GABRB2: variants seen among roughly 807,000 people sequenced by gnomAD.
The protein encoded by GABRB2 is gamma-aminobutyric acid type A receptor subunit beta2.
A neutral mutation model predicts 54.7 loss-of-function variants in GABRB2; 16 were observed. The observed-to-expected ratio is 0.29, with a 90% confidence interval of 0.20 to 0.44. GABRB2 has a LOEUF of 0.44. Among genes scored for constraint, GABRB2 ranks in the 20% least tolerant of loss-of-function variants. The pLI, the probability that GABRB2 is intolerant of heterozygous loss-of-function variation, is 1.00. For missense variants in GABRB2, 355 were observed against 644.0 expected, an observed-to-expected ratio of 0.55 and a Z score of 4.86; for synonymous variants, 244 against 233.8, an observed-to-expected ratio of 1.04 and a Z score of -0.40.
chr5:161,346,302 G>A (rs1453921394), intron 5 of GABRB2, among the ~76,000 whole-genome samples: 1 of 152,058 alleles, frequency 6.6e-6, no homozygotes, highest in Non-Finnish European at 1.5e-5. Context: ...ATTTTCTCCA[G>A]AAGGAGCTAA....
rs148988089 is a variant in GABRB2, at chr5:161,405,626, G to C, written c.541+5349C>G. Among the ~76,000 whole-genome samples, 209 of 152,096 alleles carry C rather than the reference G, an allele frequency of 1.4e-3. 1 individual carries two copies. Among genetic ancestry groups the C allele is most frequent in the Admixed American group, 4.7e-3 (72 of 15,248 alleles). On this transcript the variant is annotated intron_variant, in intron 5 of 9. Coordinates refer to ENST00000393959, the MANE Select transcript of GABRB2 (RefSeq NM_001371727.1). ...CTACTTCCTCTGTTACAGATGTTTTGAGACTACTGTTATACTCTAAGGTGC... is the reference window on the plus strand; with the variant it reads ...CTACTTCCTCTGTTACAGATGTTTTCAGACTACTGTTATACTCTAAGGTGC...
At chr5:161,349,217 C>T (rs1313261410) in intron 5 of GABRB2, among the ~76,000 whole-genome samples, 2 of 151,864 alleles carry the variant, frequency 1.3e-5, no homozygotes, top group Non-Finnish European at 2.9e-5. Flanking sequence ...CAATTATATT[C>T]CTGGCTTCAG....
intron 3 of GABRB2, among the ~76,000 whole-genome samples, chr5:161,476,029 T>C (rs968086301): frequency 1.5e-4 from 23 of 152,056 alleles, no homozygotes; most frequent in African/African-American, 5.5e-4. Flanking sequence ...CATAATCCAA[T>C]ATGTAGAAAA....
rs142670379 is a variant in GABRB2 at position 161,403,023 on chromosome 5, A to G, written c.541+7952T>C. Among the ~76,000 whole-genome samples, 5 of 152,268 alleles carry G rather than the reference A, an allele frequency of 3.3e-5. No homozygotes were observed. In the East Asian group the frequency reaches 9.6e-4, roughly 29 times the overall value. ...GAACGTATGCCCTAGAGAATTTCCA[A>G]ACTCAGTCAGCAAGTTCAACGTGAG... On this transcript the variant is annotated intron_variant, in intron 5 of 9. Coordinates refer to ENST00000393959, the MANE Select transcript of GABRB2 (RefSeq NM_001371727.1).
Position 161,330,906 on chromosome 5 carries a change from TCTC to T in GABRB2, c.1051_1053del (p.Glu351del). ...ACCTTGTTGACATCCAGGCGCATCT[TCTC>T]ATTGTTGGCACTGGCAGCCTTCTCA... On this transcript the variant is annotated inframe_deletion, in exon 8 of 10. Transcript: ENST00000393959. 1.2e-6 allele frequency: 2 copies of T among 1,614,226 alleles called. No homozygotes were observed. Among genetic ancestry groups the T allele is most frequent in the Non-Finnish European group, 1.7e-6 (2 of 1,180,030 alleles).
Position 161,456,779 on chromosome 5 carries a change from T to G in GABRB2, c.458+2845A>C, listed in dbSNP as rs1308880719. On this transcript the variant is annotated intron_variant, in intron 4 of 9. Coordinates refer to ENST00000393959, the MANE Select transcript of GABRB2 (RefSeq NM_001371727.1). ...TACTGATATTAATATTATTACTATT[T>G]TAAGTGTCATTTCAATGCAGACCTA... Among the ~76,000 whole-genome samples the G allele has an allele frequency of 2.6e-5, 4 of 152,136 alleles. No individual in the cohort carries two copies. The South Asian group carries it at 6.2e-4, about 24-fold the overall frequency.
chr5:161,417,224 C>T (rs369531833), intron 4 of GABRB2, among the ~76,000 whole-genome samples: 20 of 152,278 alleles, frequency 1.3e-4, no homozygotes, highest in East Asian at 7.7e-4. Context: ...TAAAACATTG[C>T]TTGTAGGAGT....
At chr5:161,534,150 C>A (rs1760554504) in intron 3 of GABRB2, among the ~76,000 whole-genome samples, 1 of 152,164 alleles carries the variant, frequency 6.6e-6, no homozygotes. Flanking sequence ...GGCTCTCAAC[C>A]TGAAACAATT....
chr5:161,352,061 G>T lies in GABRB2; in HGVS notation c.542-15292C>A, dbSNP rs552830719. On this transcript the variant is annotated intron_variant, in intron 5 of 9. Coordinates refer to ENST00000393959, the MANE Select transcript of GABRB2 (RefSeq NM_001371727.1). ...AACAAGACAAAAGATATGTATTGGT[G>T]AGGATGTGGAGAAAACGGGACCCTT... Among the ~76,000 whole-genome samples, 12 of 152,108 alleles carry T rather than the reference G, an allele frequency of 7.9e-5. No individual in the cohort carries two copies. In the South Asian group the frequency reaches 2.5e-3, roughly 32 times the overall value.
intron 4 of GABRB2, among the ~76,000 whole-genome samples, chr5:161,449,145 T>C (rs527694232): frequency 3.9e-5 from 6 of 152,282 alleles, no homozygotes; most frequent in East Asian, 3.9e-4. Flanking sequence ...TGGATGAAGA[T>C]TGCATTCTTT....
intron 4 of GABRB2, among the ~76,000 whole-genome samples, chr5:161,423,396 C>T (rs1396111205): frequency 1.3e-5 from 2 of 152,124 alleles, no homozygotes; most frequent in Non-Finnish European, 2.9e-5. Flanking sequence ...ATGTGTCAAG[C>T]AAGTCTATTT....
chr5:161,431,735 A>G (rs1308109681), intron 4 of GABRB2, among the ~76,000 whole-genome samples: 2 of 152,230 alleles, frequency 1.3e-5, no homozygotes, highest in Non-Finnish European at 2.9e-5. Context: ...ACAGACAGAT[A>G]TACCACTTAC....
chr5:161,343,083 CA>C (rs1754219717), intron 5 of GABRB2, among the ~76,000 whole-genome samples: 1 of 152,052 alleles, frequency 6.6e-6, no homozygotes, highest in South Asian at 2.1e-4. Flanking sequence ...GAGGCAGAGA[CA>C]GATACACACT....
At chr5:161,420,210 C>A (rs1468175319) in intron 4 of GABRB2, among the ~76,000 whole-genome samples, 19 of 152,094 alleles carry the variant, frequency 1.2e-4, no homozygotes, top group Non-Finnish European at 5.9e-5. Context: ...TTATCCCAGT[C>A]TTTTAATTTT....
chr5:161,311,041 T>A (rs1324053759), intron 9 of GABRB2, among the ~76,000 whole-genome samples: 1 of 152,242 alleles, frequency 6.6e-6, no homozygotes. Context: ...ATTACAGGTA[T>A]GAGCCACCAC....
intron 3 of GABRB2, among the ~76,000 whole-genome samples, chr5:161,510,373 G>A (rs1759732164): frequency 6.6e-6 from 1 of 151,632 alleles, no homozygotes; most frequent in Admixed American, 6.6e-5. Context: ...TCTACGCCTG[G>A]CTTATTTTAC....
intron 4 of GABRB2, among the ~76,000 whole-genome samples, chr5:161,450,617 T>G (rs935168615): frequency 2.0e-5 from 3 of 152,032 alleles, no homozygotes; most frequent in Admixed American, 1.3e-4. Flanking sequence ...GGGCTAAGAG[T>G]TAGGAGCTTG....
At chr5:161,338,390 C>T (rs1754053981) in intron 5 of GABRB2, among the ~76,000 whole-genome samples, 1 of 152,132 alleles carries the variant, frequency 6.6e-6, no homozygotes, top group Non-Finnish European at 1.5e-5. Context: ...ATCAAAATTG[C>T]AGAGTTTTAA....
At chr5:161,351,976 G>A (rs951862055) in intron 5 of GABRB2, among the ~76,000 whole-genome samples, 20 of 152,120 alleles carry the variant, frequency 1.3e-4, no homozygotes, top group African/African-American at 4.8e-4. Context: ...AATCATCAGA[G>A]AAACGCAAAT....
Sources: allele counts gnomAD v4.1 joint callset (sites outside exome capture counted in the v4.1 genomes callset), GRCh38; gene constraint gnomAD v4.1.1; transcripts MANE v1.5; gene names NCBI Gene and HGNC (gene_info 2026-07-23, HGNC 2026-07-21).